Variants in CACNA1E observed in about 807,000 individuals in gnomAD.
CACNA1E encodes calcium voltage-gated channel subunit alpha1 E.
In CACNA1E, 40 loss-of-function variants were observed where a neutral mutation model predicts 259.2. That is an observed-to-expected ratio of 0.15 (90% CI 0.12 to 0.20). The LOEUF (loss-of-function observed/expected upper bound fraction) is 0.20. Ranked by LOEUF, CACNA1E falls within the 10% of genes least tolerant of loss-of-function variation. The pLI, the probability that CACNA1E is intolerant of heterozygous loss-of-function variation, is 1.00. For synonymous variants in CACNA1E, 1,104 were observed against 1,138.5 expected (o/e 0.97, Z 0.61); for missense variants, 1,874 against 3,040.1 (o/e 0.62, Z 9.02).
chr1:181,486,719 C>T (rs1663849120), intron 1 of CACNA1E, among the ~76,000 whole-genome samples: 1 of 152,220 alleles, frequency 6.6e-6, no homozygotes, highest in Non-Finnish European at 1.5e-5. Context: ...ATATATATCA[C>T]ATGCCTAAAA....
chr1:181,384,361 A>G (rs976153617), intron 1 of CACNA1E, among the ~76,000 whole-genome samples: 1 of 152,204 alleles, frequency 6.6e-6, no homozygotes. Context: ...CCAATTATCC[A>G]GTGTCATTCT....
chr1:181,449,013 C>A (rs140412205), intron 2 of CACNA1E, among the ~76,000 whole-genome samples: 9 of 152,322 alleles, frequency 5.9e-5, no homozygotes, highest in South Asian at 2.1e-4. Context: ...CAGAGAAAGA[C>A]CTTCCAGGAA....
chr1:181,793,743 G>A lies in CACNA1E; in HGVS notation c.5977G>A (p.Ala1993Thr), dbSNP rs1043650607. The A allele has an allele frequency of 5.6e-6, 9 of 1,611,726 alleles. No individual in the cohort carries two copies. The highest frequency in any genetic ancestry group is 6.8e-6 in the Non-Finnish European group (8 of 1,179,400). Residue 1993 changes from alanine (A) to threonine (T), a missense_variant, in exon 45 of 48, where the codon GCG becomes ACG. Physicochemically the swap from Ala to Thr is moderately conservative, Grantham distance 58. This residue lies in a region of CACNA1E where 542 missense variants were observed against 587.2 expected (regional missense o/e 0.92). Transcript: ENST00000367573. Reference sequence around the variant, plus strand: ...CCTTCCTTCGGACACCCAGGAGCATGCGGGATCTGGGAGGGCATCTTCTAT... The same window carrying A: ...CCTTCCTTCGGACACCCAGGAGCATACGGGATCTGGGAGGGCATCTTCTAT... ...IYLPSDTQEH[A>T]GSGRASSMPR...
At chr1:181,613,317 C>G (rs1021697457) in intron 6 of CACNA1E, among the ~76,000 whole-genome samples, 2 of 152,034 alleles carry the variant, frequency 1.3e-5, no homozygotes, top group African/African-American at 4.8e-5. Flanking sequence ...CTTTTGAGAC[C>G]CCCCAAACTT....
chr1:181,596,653 A>G (rs1366479193), intron 6 of CACNA1E, among the ~76,000 whole-genome samples: 1 of 151,688 alleles, frequency 6.6e-6, no homozygotes, highest in Non-Finnish European at 1.5e-5. Flanking sequence ...CTTTGCCAAG[A>G]GACTCTTGGT....
intron 39 of CACNA1E, 118 bp downstream of exon 39, chr1:181,781,641 A>G: frequency 1.5e-6 from 1 of 684,460 alleles, no homozygotes; most frequent in Non-Finnish European, 2.7e-6. Context: ...GGAACTAAGG[A>G]GGAAAGGCAC....
intron 42 of CACNA1E, 127 bp from the exon 43 acceptor site, chr1:181,785,586 C>T (rs1006650247): frequency 1.0e-5 from 9 of 883,376 alleles, no homozygotes; most frequent in Admixed American, 3.7e-5. Flanking sequence ...CCCAGTGGAT[C>T]GAAGGTTAAA....
At chr1:181,731,646 C>T (rs114614497) in intron 19 of CACNA1E, among the ~76,000 whole-genome samples, 1,930 of 152,190 alleles carry the variant, frequency 0.013, 35 homozygotes, top group African/African-American at 0.039. Context: ...ACTTCCCCTC[C>T]GCCCAGCGAG....
At chr1:181,361,352 A>G (rs981574702) in intron 1 of CACNA1E, among the ~76,000 whole-genome samples, 5 of 152,154 alleles carry the variant, frequency 3.3e-5, no homozygotes, top group Admixed American at 2.0e-4. Context: ...ATTTAAAAAT[A>G]TTGTTCTACT....
chr1:181,744,917 A>C (rs1656916917), intron 25 of CACNA1E, among the ~76,000 whole-genome samples: 1 of 152,184 alleles, frequency 6.6e-6, no homozygotes, highest in Non-Finnish European at 1.5e-5. Flanking sequence ...AGGAATTGGA[A>C]ATTTCCAACT....
chr1:181,595,013 T>A (rs1015487538), intron 6 of CACNA1E, among the ~76,000 whole-genome samples: 3 of 152,220 alleles, frequency 2.0e-5, no homozygotes, highest in Admixed American at 6.5e-5. Flanking sequence ...ACAGATACAG[T>A]CAATGGTATC....
chr1:181,700,350 C>T (rs1652120866), intron 7 of CACNA1E, among the ~76,000 whole-genome samples: 1 of 152,128 alleles, frequency 6.6e-6, no homozygotes, highest in Non-Finnish European at 1.5e-5. Flanking sequence ...GTGTGTGCCC[C>T]CTCCACTCCA....
At chr1:181,586,739 T>G (rs548596197) in intron 6 of CACNA1E, among the ~76,000 whole-genome samples, 3 of 152,354 alleles carry the variant, frequency 2.0e-5, no homozygotes, top group African/African-American at 7.2e-5. Context: ...ACATTCATAT[T>G]TACTCTTTCA....
At chr1:181,572,738 G>GGT (rs1326505036) in intron 3 of CACNA1E, among the ~76,000 whole-genome samples, 2 of 152,106 alleles carry the variant, frequency 1.3e-5, no homozygotes, top group Middle Eastern at 3.2e-3. Context: ...CTGATTTTGT[G>GGT]GTGTGTGTGT....
At chr1:181,564,088 G>C (rs1649586513) in intron 3 of CACNA1E, among the ~76,000 whole-genome samples, 1 of 152,116 alleles carries the variant, frequency 6.6e-6, no homozygotes, top group Admixed American at 6.6e-5. Flanking sequence ...GACTGATTAG[G>C]GTGCTGGTTG....
At chr1:181,622,119 C>G (rs1278908119) in intron 6 of CACNA1E, among the ~76,000 whole-genome samples, 1 of 152,212 alleles carries the variant, frequency 6.6e-6, no homozygotes, top group Non-Finnish European at 1.5e-5. Context: ...ACCAACTCTC[C>G]ATGGCACTGG....
rs756368564 is a variant in CACNA1E at position 181,783,720 on chromosome 1, G to A, written c.5406G>A (p.Thr1802=). The change falls in exon 40 of 48, where the codon ACG becomes ACA. Residue 1802 remains threonine (T), a synonymous_variant. Coordinates refer to ENST00000367573, the MANE Select transcript of CACNA1E (RefSeq NM_001205293.3). ...ACATGCCAGTAGCTGAGGACATGAC[G>A]GTCCACTTCACCTCCACACTTATGG... ...LMNMPVAEDM[T]VHFTSTLMAL... is the part of the protein sequence containing the mutation. 98 of 1,612,474 alleles carry A rather than the reference G, an allele frequency of 6.1e-5. No homozygotes were observed. The highest frequency in any genetic ancestry group is 1.6e-4 in the Middle Eastern group (1 of 6,082).
At chr1:181,473,119 T>C (rs770741308) in intron 2 of CACNA1E, among the ~76,000 whole-genome samples, 1 of 152,184 alleles carries the variant, frequency 6.6e-6, no homozygotes, top group Non-Finnish European at 1.5e-5. Context: ...GAACACCGCA[T>C]AGTATTTGTA....
rs1007389618 is a variant in CACNA1E at position 181,776,556 on chromosome 1, T to C, written c.5267+328T>C. On this transcript the variant is annotated intron_variant, in intron 38 of 47. Transcript: ENST00000367573. This position sits in a 1 kb window ranked among gnomAD's most constrained non-coding sequence, Gnocchi z 4.4. The stretch of plus-strand genomic sequence containing the variant: ...TTCTGCCAATGGTTAGTGGACTCCT[T>C]TGAGTTATCAGGGGGTTTGACAAGG... Among the ~76,000 whole-genome samples, 8 of 152,236 alleles carry C rather than the reference T, an allele frequency of 5.3e-5. No individual in the cohort carries two copies. Among genetic ancestry groups the C allele is most frequent in the Non-Finnish European group, 7.3e-5 (5 of 68,034 alleles).
Sources: gnomAD v4.1 joint callset for allele counts (sites outside exome capture counted in the v4.1 genomes callset) on GRCh38, gnomAD v4.1.1 for gene constraint, gnomAD v4.1.1 regional missense constraint, Gnocchi (gnomAD v3.1) non-coding constraint, MANE v1.5 for transcripts, NCBI Gene and HGNC (gene_info 2026-07-23, HGNC 2026-07-21) for gene names.